The following TTBK2 variants were observed in gnomAD, a reference collection of about 807,000 sequenced individuals.
The protein encoded by TTBK2 is tau-tubulin kinase 2.
TTBK2 carries 28 observed loss-of-function variants against 110.8 expected under a neutral mutation model. The ratio of observed to expected loss-of-function variants is 0.25; its 90% CI spans 0.19 to 0.35. The LOEUF (loss-of-function observed/expected upper bound fraction) is 0.35, where lower values mean the gene tolerates loss of function less well. Among genes scored for constraint, TTBK2 ranks in the 10% least tolerant of loss-of-function variants. The pLI is 1.00. For missense variants in TTBK2, 1,369 were observed against 1,500.3 expected, an observed-to-expected ratio of 0.91 and a Z score of 1.45; for synonymous variants, 532 against 527.3, an observed-to-expected ratio of 1.01 and a Z score of -0.12.
In TTBK2 at chr15:42,775,143, G is replaced by C; in HGVS notation, c.1990C>G (p.Leu664Val). 1 of 1,613,478 alleles carries C rather than the reference G, an allele frequency of 6.2e-7. No homozygotes were observed. Among genetic ancestry groups the C allele is most frequent in the South Asian group, 1.1e-5 (1 of 91,058 alleles). ...AAAAACAAATTTCTTACCGCTGTAA[G>C]GGGTCCTTCTGCCTGCGCCTCCATT... is the stretch of plus-strand genomic sequence containing the variant. ...SLMEAQAEGP[L>V]TAITIPRPSV... Residue 664 changes from leucine (L) to valine (V), a missense_variant, in exon 13 of 15, where the codon CTT becomes GTT. Transcript: ENST00000267890.
chr15:42,756,491 C>A (rs938024092), intron 13 of TTBK2, among the ~76,000 whole-genome samples: 4 of 150,602 alleles, frequency 2.7e-5, no homozygotes, highest in East Asian at 2.0e-4. Context: ...GAGGCTGAGG[C>A]AGGAGAATGG....
Position 42,802,215 on chromosome 15 carries a change from G to T in TTBK2, c.823-7414C>A, listed in dbSNP as rs137911952. The T allele has an allele frequency of 1.2e-3, 1,064 of 918,236 alleles. 18 individuals carry two copies. The African/African-American group carries it at 0.016, about 13-fold the overall frequency. The allele number at this position is 918,236 out of a possible 1,614,324, so 56.9% of individuals were successfully genotyped here. On this transcript the variant is annotated intron_variant, in intron 9 of 14. Coordinates refer to ENST00000267890, the MANE Select transcript of TTBK2 (RefSeq NM_173500.4). Reference sequence around the variant, plus strand: ...GGCTCAGCAGGCTTTGGTTGACAGTGATGGTGGTGATGCCTCCACTGGCCC... The same window carrying T: ...GGCTCAGCAGGCTTTGGTTGACAGTTATGGTGGTGATGCCTCCACTGGCCC...
At chr15:42,890,010 C>T (rs1024933607) in intron 1 of TTBK2, among the ~76,000 whole-genome samples, 46 of 152,136 alleles carry the variant, frequency 3.0e-4, no homozygotes, top group African/African-American at 9.9e-4. Context: ...GTGACCTGCA[C>T]GTATATATCC....
chr15:42,803,778 C>G (rs887087881), intron 9 of TTBK2, among the ~76,000 whole-genome samples: 3 of 152,014 alleles, frequency 2.0e-5, no homozygotes, highest in African/African-American at 7.2e-5. Flanking sequence ...CATCTGTAAT[C>G]CCAGCACTCT....
intron 10 of TTBK2, among the ~76,000 whole-genome samples, chr15:42,790,082 C>T (rs1383694297): frequency 8.6e-5 from 13 of 151,996 alleles, no homozygotes; most frequent in Admixed American, 4.6e-4. Context: ...TGGATTTCCA[C>T]GTGCAAAGGA....
At chr15:42,848,345 TC>T (rs1162431470) in intron 3 of TTBK2, among the ~76,000 whole-genome samples, 3 of 152,160 alleles carry the variant, frequency 2.0e-5, no homozygotes, top group African/African-American at 7.2e-5. Flanking sequence ...TTTCATTAAA[TC>T]TATAGATCAA....
At chr15:42,829,520 A>T (rs147308267) in intron 5 of TTBK2, among the ~76,000 whole-genome samples, 2 of 152,376 alleles carry the variant, frequency 1.3e-5, no homozygotes, top group African/African-American at 4.8e-5. Context: ...ACATAATAAT[A>T]GTCAAACATA....
At chr15:42,751,484 C>A (rs1393051987) in intron 14 of TTBK2, among the ~76,000 whole-genome samples, 3 of 152,198 alleles carry the variant, frequency 2.0e-5, no homozygotes, top group African/African-American at 7.2e-5. Flanking sequence ...AGCCTGTAAT[C>A]CCAGCACTTT....
chr15:42,913,981 CTTTT>C (rs201187297), intron 1 of TTBK2, among the ~76,000 whole-genome samples: 1 of 143,686 alleles, frequency 7.0e-6, no homozygotes, highest in African/African-American at 2.6e-5. Flanking sequence ...TATTAACTTC[CTTTT>C]TTTTTTTTTG....
At chr15:42,812,605 A>T (rs1891770673) in intron 7 of TTBK2, among the ~76,000 whole-genome samples, 1 of 152,194 alleles carries the variant, frequency 6.6e-6, no homozygotes, top group Non-Finnish European at 1.5e-5. Flanking sequence ...TTCATTATTC[A>T]AATTTATAAA....
At chr15:42,845,837 C>T (rs978235169) in intron 3 of TTBK2, among the ~76,000 whole-genome samples, 1 of 151,918 alleles carries the variant, frequency 6.6e-6, no homozygotes, top group African/African-American at 2.4e-5. Flanking sequence ...CATGCCTAGG[C>T]CTATATGGTA....
chr15:42,840,818 G>A (rs1893190810), intron 3 of TTBK2, among the ~76,000 whole-genome samples: 1 of 152,174 alleles, frequency 6.6e-6, no homozygotes, highest in Non-Finnish European at 1.5e-5. Flanking sequence ...CTGAATTTCA[G>A]ATATGTTATG....
At chr15:42,828,415 A>G (rs938375323) in intron 5 of TTBK2, among the ~76,000 whole-genome samples, 3 of 151,644 alleles carry the variant, frequency 2.0e-5, no homozygotes, top group African/African-American at 7.3e-5. Context: ...GTAGAAATTT[A>G]AAAGAATTTC....
At chr15:42,867,486 A>G (rs79540486) in intron 3 of TTBK2, among the ~76,000 whole-genome samples, 1,828 of 152,294 alleles carry the variant, frequency 0.012, 34 homozygotes, top group African/African-American at 0.041. Context: ...TAAAAACTCA[A>G]CAGTAAGAAA....
chr15:42,800,584 T>C (rs1451555194), intron 9 of TTBK2, among the ~76,000 whole-genome samples: 1 of 152,118 alleles, frequency 6.6e-6, no homozygotes, highest in Admixed American at 6.5e-5. Context: ...GGAAAATTAG[T>C]GGATCAATAA....
chr15:42,796,129 C>T (rs979016008), intron 9 of TTBK2, among the ~76,000 whole-genome samples: 1 of 151,904 alleles, frequency 6.6e-6, no homozygotes, highest in African/African-American at 2.4e-5. Context: ...ACTGGCCACG[C>T]ACGGTGGCTC....
At chr15:42,830,230 C>A in intron 4 of TTBK2, 152 bp from the exon 5 acceptor site, 1 of 896,344 alleles carries the variant, frequency 1.1e-6, no homozygotes, top group Non-Finnish European at 1.7e-6. Flanking sequence ...TCTTGTTGCC[C>A]AGGCTGGAGT....
chr15:42,829,523 C>T (rs994271579), intron 5 of TTBK2, among the ~76,000 whole-genome samples: 1 of 152,160 alleles, frequency 6.6e-6, no homozygotes. Context: ...TAATAATAGT[C>T]AAACATAAAG....
intron 6 of TTBK2, among the ~76,000 whole-genome samples, chr15:42,823,554 C>T (rs920658410): frequency 3.3e-5 from 5 of 152,044 alleles, no homozygotes; most frequent in African/African-American, 9.7e-5. Flanking sequence ...AATAAATATA[C>T]ATTTATGTTT....
Sources: gnomAD v4.1 joint callset for allele counts (sites outside exome capture counted in the v4.1 genomes callset) on GRCh38, gnomAD v4.1.1 for gene constraint, MANE v1.5 for transcripts, NCBI Gene and HGNC (gene_info 2026-07-23, HGNC 2026-07-21) for gene names.